The following MCC variants were observed in gnomAD, a reference collection of about 807,000 sequenced individuals.
MCC encodes the protein MCC regulator of Wnt signaling pathway, also known as colorectal mutant cancer protein.
A neutral mutation model predicts 116.2 loss-of-function variants in MCC; 90 were observed. The ratio of observed to expected loss-of-function variants is 0.77; its 90% CI spans 0.65 to 0.92. MCC has a LOEUF of 0.92. Ranked by LOEUF, MCC falls within the 40% of genes least tolerant of loss-of-function variation. The pLI is 0.00. For synonymous variants in MCC, 578 were observed against 510.5 expected (o/e 1.13, Z -1.78); for missense variants, 1,516 against 1,312.2 (o/e 1.16, Z -2.40).
At chr5:113,199,613 CTG>C (rs1762585494) in intron 3 of MCC, among the ~76,000 whole-genome samples, 1 of 152,336 alleles carries the variant, frequency 6.6e-6, no homozygotes, top group South Asian at 2.1e-4. Flanking sequence ...GCAGCAGACA[CTG>C]TGTGCCATGG....
chr5:113,469,018 C>T (rs1348205321), intron 1 of MCC, among the ~76,000 whole-genome samples: 4 of 152,240 alleles, frequency 2.6e-5, no homozygotes, highest in South Asian at 2.1e-4. Flanking sequence ...TCTGTGGGAT[C>T]GGTGGTGATA....
In MCC at chr5:113,026,128, T is replaced by A. The variant is rs1176640709; in HGVS notation, c.*1174A>T. On this transcript the variant is annotated 3_prime_UTR_variant, in exon 19 of 19. Transcript: ENST00000408903. Reference sequence around the variant, plus strand: ...CAGTTACTTTGGTACTGCCTAGCCCTGTAAGCATTTTGCTTGAAATTTAAC... The same window carrying A: ...CAGTTACTTTGGTACTGCCTAGCCCAGTAAGCATTTTGCTTGAAATTTAAC... The A allele has an allele frequency of 6.6e-6, 1 of 152,256 alleles. No homozygotes were observed. Among genetic ancestry groups the A allele is most frequent in the Non-Finnish European group, 1.5e-5 (1 of 68,048 alleles). The allele number at this position is 152,256 out of a possible 1,614,324, so 9.4% of individuals were successfully genotyped here.
intron 17 of MCC, among the ~76,000 whole-genome samples, chr5:113,031,103 G>C (rs1181739471): frequency 6.6e-6 from 1 of 152,106 alleles, no homozygotes; most frequent in African/African-American, 2.4e-5. Context: ...GGTAAGTCAA[G>C]CTCTCCAAAC....
At chr5:113,093,574 T>A (rs772689200) in intron 8 of MCC, among the ~76,000 whole-genome samples, 8 of 151,996 alleles carry the variant, frequency 5.3e-5, no homozygotes, top group Non-Finnish European at 7.4e-5. Context: ...TTGGGGGGAT[T>A]TGGCCCTAGA....
intron 3 of MCC, among the ~76,000 whole-genome samples, chr5:113,164,570 C>T (rs573195875): frequency 2.6e-5 from 4 of 152,244 alleles, no homozygotes; most frequent in South Asian, 2.1e-4. Context: ...TCTTACGTGT[C>T]GATCACTTTA....
chr5:113,485,439 C>T (rs932533825), intron 1 of MCC, among the ~76,000 whole-genome samples: 14 of 152,188 alleles, frequency 9.2e-5, no homozygotes, highest in African/African-American at 3.1e-4. Context: ...TATGCTTCCT[C>T]GGACTCTACT....
chr5:113,083,328 C>T (rs1324587263), intron 10 of MCC, among the ~76,000 whole-genome samples: 4 of 152,110 alleles, frequency 2.6e-5, no homozygotes, highest in Admixed American at 6.5e-5. Flanking sequence ...GGATTTCTTT[C>T]CCCTATCCTG....
At chr5:113,068,269 TCAG>T (rs1753765927) in intron 12 of MCC, 86 bp from the exon 13 acceptor site, 1 of 967,762 alleles carries the variant, frequency 1.0e-6, no homozygotes, top group African/African-American at 1.6e-5. Flanking sequence ...AGGAGGCAGC[TCAG>T]GTGCTGTCTC....
chr5:113,101,118 A>G (rs1357902312), intron 8 of MCC, among the ~76,000 whole-genome samples: 2 of 152,172 alleles, frequency 1.3e-5, no homozygotes, highest in Non-Finnish European at 2.9e-5. Context: ...ATGATACTCA[A>G]ACTAGGTCAG....
chr5:113,258,199 G>A (rs1233114860), intron 3 of MCC, among the ~76,000 whole-genome samples: 1 of 152,196 alleles, frequency 6.6e-6, no homozygotes, highest in African/African-American at 2.4e-5. Context: ...ATGCTTATAG[G>A]AAAGACAAAC....
rs1433484904 is a variant in MCC at position 113,375,826 on chromosome 5, A to G, written c.415+9142T>C. On this transcript the variant is annotated intron_variant, in intron 2 of 18. Coordinates refer to ENST00000408903, the MANE Select transcript of MCC (RefSeq NM_001085377.2). ...CACAATTTCATTCCTGTGACATTTT[A>G]TTTTCAAAGCAAACCACAAGGCCAC... Among the ~76,000 whole-genome samples the G allele has an allele frequency of 3.5e-5, 3 of 85,122 alleles. No individual in the cohort carries two copies. In the African/African-American group the frequency reaches 4.3e-4, roughly 12 times the overall value. The allele number at this position is 85,122 out of a possible 152,430, so 55.8% of individuals were successfully genotyped here.
intron 4 of MCC, among the ~76,000 whole-genome samples, chr5:113,146,788 A>G (rs1581156719): frequency 6.6e-6 from 1 of 152,166 alleles, no homozygotes; most frequent in East Asian, 1.9e-4. Flanking sequence ...AACAAAATAA[A>G]AATTGGTCTC....
intron 2 of MCC, among the ~76,000 whole-genome samples, chr5:113,365,227 G>T (rs1768657472): frequency 6.6e-6 from 1 of 152,022 alleles, no homozygotes; most frequent in African/African-American, 2.4e-5. Context: ...AAGCAACCAG[G>T]CCACATCTTG....
intron 7 of MCC, among the ~76,000 whole-genome samples, chr5:113,102,493 T>C (rs1275498321): frequency 2.0e-5 from 3 of 152,204 alleles, no homozygotes; most frequent in Non-Finnish European, 2.9e-5. Flanking sequence ...AGTCTCAAGA[T>C]GTGAAAGACA....
chr5:113,296,398 A>G (rs1766711193), intron 3 of MCC, among the ~76,000 whole-genome samples: 1 of 152,232 alleles, frequency 6.6e-6, no homozygotes, highest in African/African-American at 2.4e-5. Flanking sequence ...ACTGCAGTTC[A>G]GAGGAGGGAA....
chr5:113,301,011 G>A (rs926852504), intron 3 of MCC, among the ~76,000 whole-genome samples: 1 of 152,174 alleles, frequency 6.6e-6, no homozygotes, highest in Non-Finnish European at 1.5e-5. Flanking sequence ...ATGTAGGGTC[G>A]GCGAGTTTGT....
chr5:113,404,449 A>G (rs1294971316), intron 1 of MCC, among the ~76,000 whole-genome samples: 3 of 152,220 alleles, frequency 2.0e-5, no homozygotes, highest in Non-Finnish European at 4.4e-5. Flanking sequence ...CCAAGTTCAG[A>G]AAAAACGCCC....
At chr5:113,176,681 C>T (rs1309552501) in intron 3 of MCC, among the ~76,000 whole-genome samples, 1 of 152,162 alleles carries the variant, frequency 6.6e-6, no homozygotes, top group Admixed American at 6.5e-5. Flanking sequence ...GAACTGTCAC[C>T]CAGTTCAATT....
intron 8 of MCC, among the ~76,000 whole-genome samples, chr5:113,096,451 G>C: frequency 6.6e-6 from 1 of 152,244 alleles, no homozygotes; most frequent in Non-Finnish European, 1.5e-5. Context: ...GTCACCACAA[G>C]ATGGATGAGT....
Sources: allele counts gnomAD v4.1 joint callset (sites outside exome capture counted in the v4.1 genomes callset), GRCh38; gene constraint gnomAD v4.1.1; transcripts MANE v1.5; gene names NCBI Gene and HGNC (gene_info 2026-07-23, HGNC 2026-07-21).